Variants in CUL3 observed in about 807,000 individuals in gnomAD.
CUL3 encodes the protein cullin-3.
Under a neutral mutation model 89.1 loss-of-function variants are expected in CUL3, and 19 were observed. The ratio of observed to expected loss-of-function variants is 0.21; its 90% CI spans 0.15 to 0.31. The LOEUF (loss-of-function observed/expected upper bound fraction) is 0.31, where lower values mean the gene tolerates loss of function less well. Among genes scored for constraint, CUL3 ranks in the 10% least tolerant of loss-of-function variants. The probability of loss-of-function intolerance (pLI) is 1.00; values close to 1 mark genes in which losing one functional copy is unlikely to be tolerated. For synonymous variants in CUL3, 351 were observed against 308.4 expected (o/e 1.14, Z -1.45); for missense variants, 469 against 942.3 (o/e 0.50, Z 6.58).
intron 3 of CUL3, among the ~76,000 whole-genome samples, chr2:224,534,669 T>C (rs1559186835): frequency 6.6e-6 from 1 of 152,072 alleles, no homozygotes; most frequent in Non-Finnish European, 1.5e-5. Flanking sequence ...AAGCATTCAC[T>C]AAGTATGTGA....
In CUL3 at chr2:224,485,048, C is replaced by T. The variant is rs1376068821; in HGVS notation, c.1843-2970G>A. Among the ~76,000 whole-genome samples the T allele has an allele frequency of 6.6e-6, 1 of 152,192 alleles. No homozygotes were observed. Among genetic ancestry groups the T allele is most frequent in the Non-Finnish European group, 1.5e-5 (1 of 68,020 alleles). Reference sequence around the variant, plus strand: ...ACAAGGGGTCAGGGAACTCCCTCCCCTAGCCAAGGGAAGCCCTGAGGGACT... The same window carrying T: ...ACAAGGGGTCAGGGAACTCCCTCCCTTAGCCAAGGGAAGCCCTGAGGGACT... On this transcript the variant is annotated intron_variant, in intron 13 of 15. Transcript: ENST00000264414. The surrounding 1 kb of genome is among the most constrained non-coding windows in gnomAD (Gnocchi z 4.1).
intron 3 of CUL3, among the ~76,000 whole-genome samples, chr2:224,525,587 T>C (rs1207748488): frequency 3.3e-5 from 5 of 152,226 alleles, no homozygotes; most frequent in African/African-American, 1.2e-4. Context: ...TCCTAAAGTA[T>C]TGCTTAAAAA....
At chr2:224,476,881 ACT>A (rs1559334606) in intron 15 of CUL3, among the ~76,000 whole-genome samples, 1 of 151,426 alleles carries the variant, frequency 6.6e-6, no homozygotes, top group Non-Finnish European at 1.5e-5. Context: ...CTCTAATACT[ACT>A]CTCTCTGCCC....
At chr2:224,562,237 CG>C (rs1405147613) in intron 1 of CUL3, among the ~76,000 whole-genome samples, 5 of 151,420 alleles carry the variant, frequency 3.3e-5, no homozygotes, top group Admixed American at 6.6e-5. Flanking sequence ...GTATGTAGTG[CG>C]TTTTTTTTTT....
chr2:224,511,862 G>T (rs189838958), intron 5 of CUL3, among the ~76,000 whole-genome samples: 1 of 152,064 alleles, frequency 6.6e-6, no homozygotes, highest in Non-Finnish European at 1.5e-5. Flanking sequence ...GTATATACAC[G>T]CCAGTGAGGG....
intron 13 of CUL3, among the ~76,000 whole-genome samples, chr2:224,487,987 C>T (rs1691802726): frequency 6.6e-6 from 1 of 152,142 alleles, no homozygotes; most frequent in South Asian, 2.1e-4. Flanking sequence ...CAACCTGTTC[C>T]TGAATGACTA....
chr2:224,560,909 G>A (rs544030237), intron 1 of CUL3, among the ~76,000 whole-genome samples: 1 of 152,212 alleles, frequency 6.6e-6, no homozygotes, highest in South Asian at 2.1e-4. Flanking sequence ...TGTTCGCTCT[G>A]CTCCATGCAC....
In CUL3 at chr2:224,470,382, G is replaced by A. The variant is rs547601761; in HGVS notation, c.*3863C>T. ...GAGCATCAAATTACTTAAATGACACGCTTACAAATTTGCCATTTCTAAAAT... is the reference window on the plus strand; with the variant it reads ...GAGCATCAAATTACTTAAATGACACACTTACAAATTTGCCATTTCTAAAAT... On this transcript the variant is annotated 3_prime_UTR_variant, in exon 16 of 16. Transcript: ENST00000264414. 15 of 228,954 alleles carry A rather than the reference G, an allele frequency of 6.6e-5. No individual in the cohort carries two copies. The highest frequency in any genetic ancestry group is 1.9e-4 in the East Asian group (3 of 15,974). 14.2% of individuals were successfully genotyped at this position (228,954 alleles called of 1,614,324 possible). A position where few individuals can be genotyped will look rare whatever the true frequency, so the allele number is the denominator to read the frequency against.
At chr2:224,519,495 A>AC (rs1452370915) in intron 3 of CUL3, among the ~76,000 whole-genome samples, 4 of 152,166 alleles carry the variant, frequency 2.6e-5, no homozygotes, top group African/African-American at 9.7e-5. Flanking sequence ...GACTGTCAAG[A>AC]TGTGTGATGA....
intron 13 of CUL3, among the ~76,000 whole-genome samples, chr2:224,488,284 T>C (rs1691818390): frequency 6.7e-6 from 1 of 148,612 alleles, no homozygotes; most frequent in South Asian, 2.1e-4. Flanking sequence ...CTGAAGGAGA[T>C]AAGAGAAACA....
In CUL3 at chr2:224,473,232, A is replaced by G. The variant is rs189573396; in HGVS notation, c.*1013T>C. On this transcript the variant is annotated 3_prime_UTR_variant, in exon 16 of 16. Transcript: ENST00000264414. ...CATATTTATTGCATCTTTAGATTGCATTTTGAAACAGAAAATTAATAGTGC... is the reference window on the plus strand; with the variant it reads ...CATATTTATTGCATCTTTAGATTGCGTTTTGAAACAGAAAATTAATAGTGC... 5.2e-6 allele frequency: 1 copy of G among 191,468 alleles called. No individual in the cohort carries two copies. Among genetic ancestry groups the G allele is most frequent in the Admixed American group, 6.1e-5 (1 of 16,292 alleles). The allele number at this position is 191,468 out of a possible 1,614,324, so 11.9% of individuals were successfully genotyped here.
intron 2 of CUL3, among the ~76,000 whole-genome samples, chr2:224,539,223 G>A (rs1694005418): frequency 6.6e-6 from 1 of 152,170 alleles, no homozygotes; most frequent in African/African-American, 2.4e-5. Flanking sequence ...GAGATCATAG[G>A]TCATTAGGAC....
chr2:224,490,538 CTT>C (rs1486472458), intron 13 of CUL3, among the ~76,000 whole-genome samples: 4 of 152,172 alleles, frequency 2.6e-5, no homozygotes, highest in South Asian at 2.1e-4. Flanking sequence ...TCTTTTATCT[CTT>C]TGTCTTGTGT....
chr2:224,558,744 T>C (rs922334670), intron 1 of CUL3, among the ~76,000 whole-genome samples: 3 of 152,162 alleles, frequency 2.0e-5, no homozygotes, highest in South Asian at 4.1e-4. Flanking sequence ...AAACCACCTA[T>C]TGAAAAGGCC....
rs190588538 is a variant in CUL3 at position 224,549,209 on chromosome 2, C to T, written c.264+8450G>A. On this transcript the variant is annotated intron_variant, in intron 2 of 15. Transcript: ENST00000264414. ...GCACACGCCTGTAATCCCAGCTACT[C>T]GGAAGGCTGAGGCACGAGATTTGCT... is the stretch of plus-strand genomic sequence containing the variant. 4.0e-5 allele frequency among the ~76,000 whole-genome samples: 6 copies of T among 151,846 alleles called. No individual in the cohort carries two copies. The East Asian group carries it at 5.8e-4, about 15-fold the overall frequency.
intron 1 of CUL3, among the ~76,000 whole-genome samples, chr2:224,564,346 C>T (rs999688554): frequency 1.3e-5 from 2 of 152,194 alleles, no homozygotes; most frequent in Non-Finnish European, 2.9e-5. Context: ...AGAATCTGCA[C>T]TAGTTTTGCT....
chr2:224,571,581 G>C (rs1013169935), intron 1 of CUL3, among the ~76,000 whole-genome samples: 1 of 152,004 alleles, frequency 6.6e-6, no homozygotes, highest in Non-Finnish European at 1.5e-5. Flanking sequence ...ACAGCAAAAG[G>C]TCTATGACAC....
rs932197293 is a variant in CUL3, at chr2:224,485,223, GT to G, written c.1843-3146del. The G allele has an allele frequency of 2.2e-4, 33 of 152,342 alleles. No individual in the cohort carries two copies. The highest frequency in any genetic ancestry group is 7.0e-4 in the African/African-American group (29 of 41,504). The allele number at this position is 152,342 out of a possible 1,614,324, so 9.4% of individuals were successfully genotyped here. A position where few individuals can be genotyped will look rare whatever the true frequency, so the allele number is the denominator to read the frequency against. ...GGCAGATACCAACTTAGCTGTAGGA[GT>G]TTTTTTTCATATCCCAGTGGCAGCC... is the stretch of plus-strand genomic sequence containing the variant. On this transcript the variant is annotated intron_variant, in intron 13 of 15. Coordinates refer to ENST00000264414, the MANE Select transcript of CUL3 (RefSeq NM_003590.5). This position sits in a 1 kb window ranked among gnomAD's most constrained non-coding sequence, Gnocchi z 4.1.
intron 4 of CUL3, among the ~76,000 whole-genome samples, chr2:224,514,107 G>GA (rs894764303): frequency 5.3e-5 from 8 of 151,856 alleles, no homozygotes; most frequent in East Asian, 1.9e-4. Flanking sequence ...GATAAGGAGA[G>GA]AAAAAAAATC....
Sources: gnomAD v4.1 joint callset for allele counts (sites outside exome capture counted in the v4.1 genomes callset) on GRCh38, gnomAD v4.1.1 for gene constraint, Gnocchi (gnomAD v3.1) non-coding constraint, MANE v1.5 for transcripts, NCBI Gene and HGNC (gene_info 2026-07-23, HGNC 2026-07-21) for gene names.